The following PPM1E variants were observed in gnomAD, a reference collection of about 807,000 sequenced individuals.
PPM1E encodes the protein protein phosphatase, Mg2+/Mn2+ dependent 1E, also known as protein phosphatase 1E.
Under a neutral mutation model 65.9 loss-of-function variants are expected in PPM1E, and 20 were observed. The observed-to-expected ratio is 0.30, with a 90% CI of 0.21 to 0.44. PPM1E has a LOEUF of 0.44. PPM1E is among the 20% of genes least tolerant of loss of function. The pLI, the probability that PPM1E is intolerant of heterozygous loss-of-function variation, is 1.00. For synonymous variants in PPM1E, 352 were observed against 374.9 expected (o/e 0.94, Z 0.70); for missense variants, 713 against 953.1 (o/e 0.75, Z 3.32).
rs1167143733 is a variant in PPM1E, at chr17:58,981,230, CA to C, written c.*203del. 1.9e-6 allele frequency: 1 copy of C among 528,238 alleles called. No individual in the cohort carries two copies. Among genetic ancestry groups the C allele is most frequent in the Non-Finnish European group, 3.3e-6 (1 of 303,354 alleles). The allele number at this position is 528,238 out of a possible 1,614,324, so 32.7% of individuals were successfully genotyped here. A position where few individuals can be genotyped will look rare whatever the true frequency, so the allele number is the denominator to read the frequency against. On this transcript the variant is annotated 3_prime_UTR_variant, in exon 7 of 7. Coordinates refer to ENST00000308249, the MANE Select transcript of PPM1E (RefSeq NM_014906.5). ...AAAGAAGTATTGGCAGTTTCACTTG[CA>C]AAATTACACAGCTGGTCCCTGTGAT...
chr17:58,757,117 T>G (rs982196352), intron 1 of PPM1E, among the ~76,000 whole-genome samples: 1 of 152,166 alleles, frequency 6.6e-6, no homozygotes, highest in Non-Finnish European at 1.5e-5. Context: ...GTTTAGACAT[T>G]TGACATTCCA....
chr17:58,895,933 G>C (rs1005834993), intron 1 of PPM1E, among the ~76,000 whole-genome samples: 1 of 145,940 alleles, frequency 6.9e-6, no homozygotes, highest in African/African-American at 2.6e-5. Context: ...GTTAAACCCC[G>C]TCTCTGCTAA....
intron 1 of PPM1E, among the ~76,000 whole-genome samples, chr17:58,816,757 T>G (rs2050420484): frequency 2.2e-4 from 1 of 4,488 alleles, no homozygotes; most frequent in Non-Finnish European, 4.9e-4. Context: ...TATATATATA[T>G]ATATATATAT....
At chr17:58,874,284 C>T (rs567220174) in intron 1 of PPM1E, among the ~76,000 whole-genome samples, 2 of 152,108 alleles carry the variant, frequency 1.3e-5, no homozygotes, top group African/African-American at 4.8e-5. Context: ...GTGATTGCTG[C>T]CAAGATTGTA....
intron 1 of PPM1E, among the ~76,000 whole-genome samples, chr17:58,805,985 C>CAAAAAA (rs1217000216): frequency 3.9e-5 from 3 of 77,474 alleles, no homozygotes; most frequent in East Asian, 4.1e-4. Context: ...AAAAAAAAAA[C>CAAAAAA]AAAACAAAAC....
At chr17:58,897,153 G>C (rs944625795) in intron 1 of PPM1E, among the ~76,000 whole-genome samples, 1 of 152,078 alleles carries the variant, frequency 6.6e-6, no homozygotes, top group East Asian at 1.9e-4. Flanking sequence ...GGTGGCTCAC[G>C]CCTGTAATCC....
intron 1 of PPM1E, among the ~76,000 whole-genome samples, chr17:58,807,966 T>C (rs561510807): frequency 1.3e-4 from 20 of 152,298 alleles, no homozygotes; most frequent in African/African-American, 4.8e-4. Flanking sequence ...ACAACCACTT[T>C]GGAAAGATGT....
intron 1 of PPM1E, among the ~76,000 whole-genome samples, chr17:58,871,847 T>G (rs1352397268): frequency 1.3e-5 from 2 of 150,644 alleles, no homozygotes; most frequent in Admixed American, 6.6e-5. Context: ...AGAAGAAGAA[T>G]ATTTATATTT....
chr17:58,972,715 G>A, intron 5 of PPM1E, 117 bp from the exon 6 acceptor site: 1 of 917,538 alleles, frequency 1.1e-6, no homozygotes, highest in Non-Finnish European at 1.7e-6. Flanking sequence ...CTCCAATGGA[G>A]AAACAAAGAG....
chr17:58,930,550 T>G (rs1037952279), intron 1 of PPM1E, among the ~76,000 whole-genome samples: 8 of 152,174 alleles, frequency 5.3e-5, no homozygotes, highest in Non-Finnish European at 4.4e-5. Context: ...CATAAAAACT[T>G]AATCTTATAA....
chr17:58,894,802 A>G (rs1022083425), intron 1 of PPM1E, among the ~76,000 whole-genome samples: 1 of 151,992 alleles, frequency 6.6e-6, no homozygotes, highest in African/African-American at 2.4e-5. Context: ...TTTGTATTTG[A>G]AATTTATTTG....
At position 58,756,141 on chromosome 17, in the gene PPM1E, G is replaced by GCCCGAA. The variant is rs770124556; in HGVS notation, c.147_152dup (p.Pro51_Glu52dup). On this transcript the variant is annotated inframe_insertion, in exon 1 of 7. Transcript: ENST00000308249. ...AACCCGAACCCGAGTCCGAGCCCGA[G>GCCCGAA]CCCGAACCTGAACTGGTAGAAGCTG... is the stretch of plus-strand genomic sequence containing the variant. 1.4e-3 allele frequency: 2,283 copies of GCCCGAA among 1,601,040 alleles called. 6 individuals carry two copies. The highest frequency in any genetic ancestry group is 2.1e-3 in the Admixed American group (118 of 56,796).
intron 2 of PPM1E, among the ~76,000 whole-genome samples, chr17:58,962,332 T>C (rs1309424863): frequency 6.6e-6 from 1 of 150,528 alleles, no homozygotes; most frequent in Non-Finnish European, 1.5e-5. Context: ...TAGTAGCTAC[T>C]GTACTTGACA....
At position 58,944,768 on chromosome 17, in the gene PPM1E, C is replaced by T. The variant is rs549248258; in HGVS notation, c.465-10881C>T. On this transcript the variant is annotated intron_variant, in intron 1 of 6. Coordinates refer to ENST00000308249, the MANE Select transcript of PPM1E (RefSeq NM_014906.5). ...ACACTTGGTTGTTTTTACTATTTGG[C>T]GATTATAAACAATGCTGCTGTGCAC... Among the ~76,000 whole-genome samples, 36 of 152,012 alleles carry T rather than the reference C, an allele frequency of 2.4e-4. No individual in the cohort carries two copies. The South Asian group carries it at 3.5e-3, about 15-fold the overall frequency.
chr17:58,929,089 A>G (rs2051861179), intron 1 of PPM1E, among the ~76,000 whole-genome samples: 1 of 152,148 alleles, frequency 6.6e-6, no homozygotes, highest in Non-Finnish European at 1.5e-5. Context: ...GAATAAATAA[A>G]CTGCAGTATG....
intron 1 of PPM1E, among the ~76,000 whole-genome samples, chr17:58,791,591 A>G (rs568772711): frequency 1.3e-5 from 2 of 152,326 alleles, no homozygotes; most frequent in African/African-American, 4.8e-5. Context: ...ATCCACTTGT[A>G]TAGGAATACC....
At chr17:58,793,550 G>A (rs2050177176) in intron 1 of PPM1E, among the ~76,000 whole-genome samples, 1 of 151,548 alleles carries the variant, frequency 6.6e-6, no homozygotes, top group Non-Finnish European at 1.5e-5. Context: ...TAGAGATGGG[G>A]TTTCACTGTG....
In PPM1E at chr17:58,982,849, T is replaced by C; in HGVS notation, c.*1818T>C. 2.0e-6 allele frequency: 3 copies of C among 1,492,136 alleles called. No individual in the cohort carries two copies. The highest frequency in any genetic ancestry group is 2.8e-6 in the Non-Finnish European group (3 of 1,090,052). 92.4% of individuals were successfully genotyped at this position (1,492,136 alleles called of 1,614,324 possible). ...GCTTTGCCCCACACATGGTCCTCAC[T>C]CATATCTGTCACCTTCTGAAGCCTA... On this transcript the variant is annotated 3_prime_UTR_variant, in exon 7 of 7. Coordinates refer to ENST00000308249, the MANE Select transcript of PPM1E (RefSeq NM_014906.5).
chr17:58,824,290 T>C (rs781246412), intron 1 of PPM1E, among the ~76,000 whole-genome samples: 41 of 152,296 alleles, frequency 2.7e-4, no homozygotes, highest in Admixed American at 4.6e-4. Flanking sequence ...TATAGCAGTC[T>C]TAATCTAAAT....
Sources: gnomAD v4.1 joint callset for allele counts (sites outside exome capture counted in the v4.1 genomes callset) on GRCh38, gnomAD v4.1.1 for gene constraint, MANE v1.5 for transcripts, NCBI Gene and HGNC (gene_info 2026-07-23, HGNC 2026-07-21) for gene names.